RPH3A: variants seen among roughly 807,000 people sequenced by gnomAD.
RPH3A encodes rabphilin-3A.
In RPH3A, 48 loss-of-function variants were observed where a neutral mutation model predicts 102.2. The observed-to-expected ratio is 0.47, with a 90% CI of 0.37 to 0.60. The LOEUF is 0.60. Ranked by LOEUF, RPH3A falls within the 20% of genes least tolerant of loss-of-function variation. RPH3A has a pLI of 0.00. For synonymous variants in RPH3A, 310 were observed against 324.3 expected, an observed-to-expected ratio of 0.96 and a Z score of 0.47; for missense variants, 781 against 910.1, an observed-to-expected ratio of 0.86 and a Z score of 1.83.
chr12:112,726,939 C>A (rs1003689268), intron 1 of RPH3A, among the ~76,000 whole-genome samples: 18 of 152,126 alleles, frequency 1.2e-4, no homozygotes, highest in Admixed American at 1.0e-3. Context: ...AGGAGAATCA[C>A]TTGCACCCGG....
intron 2 of RPH3A, among the ~76,000 whole-genome samples, chr12:112,808,773 T>G (rs1361950899): frequency 6.6e-6 from 1 of 152,186 alleles, no homozygotes; most frequent in African/African-American, 2.4e-5. Flanking sequence ...CCAGACCTCC[T>G]GGATCAGAAG....
At chr12:112,817,107 G>C (rs1290855779) in intron 2 of RPH3A, among the ~76,000 whole-genome samples, 1 of 152,144 alleles carries the variant, frequency 6.6e-6, no homozygotes, top group Non-Finnish European at 1.5e-5. Context: ...TCACCTTGCT[G>C]AGCTGTCTGC....
intron 1 of RPH3A, among the ~76,000 whole-genome samples, chr12:112,745,949 G>A (rs2040742486): frequency 6.6e-6 from 1 of 152,032 alleles, no homozygotes; most frequent in African/African-American, 2.4e-5. Flanking sequence ...CTCTTTAAGA[G>A]GCAGGAGTGT....
intron 10 of RPH3A, chr12:112,873,727 A>G (rs1234003976): frequency 1.3e-5 from 2 of 152,240 alleles, no homozygotes; most frequent in African/African-American, 4.8e-5. Flanking sequence ...TGGGGAGCAC[A>G]ATACCATGCA....
chr12:112,597,454 G>A (rs564421717), intron 1 of RPH3A, among the ~76,000 whole-genome samples: 1 of 152,192 alleles, frequency 6.6e-6, no homozygotes, highest in South Asian at 2.1e-4. Flanking sequence ...GCATAGTGGT[G>A]TGTGCCTGTA....
At chr12:112,838,342 C>T (rs751365477) in intron 4 of RPH3A, among the ~76,000 whole-genome samples, 1 of 152,348 alleles carries the variant, frequency 6.6e-6, no homozygotes, top group East Asian at 1.9e-4. Context: ...CCCCCAGGTC[C>T]CGTTGGCATT....
chr12:112,789,840 C>T (rs987680003), upstream of RPH3A, among the ~76,000 whole-genome samples: 5 of 139,514 alleles, frequency 3.6e-5, no homozygotes. Flanking sequence ...TCATTTGAGG[C>T]GAGGAGTTCA....
At chr12:112,815,658 C>T (rs1359420279) in intron 2 of RPH3A, among the ~76,000 whole-genome samples, 1 of 152,206 alleles carries the variant, frequency 6.6e-6, no homozygotes, top group Non-Finnish European at 1.5e-5. Context: ...AAGTCAACTC[C>T]AGCTGAGTTT....
chr12:112,837,694 G>A (rs2136171292), intron 4 of RPH3A: 1 of 454,422 alleles, frequency 2.2e-6, no homozygotes, highest in Admixed American at 2.4e-5. Flanking sequence ...CAGACATGCT[G>A]GAGAGAGATG....
intron 1 of RPH3A, among the ~76,000 whole-genome samples, chr12:112,640,248 C>A (rs2039878073): frequency 6.9e-6 from 1 of 145,932 alleles, no homozygotes; most frequent in African/African-American, 2.5e-5. Context: ...TTGCTTGAAC[C>A]CAGGAGGTGG....
intron 1 of RPH3A, among the ~76,000 whole-genome samples, chr12:112,619,648 G>T (rs11837081): frequency 6.6e-6 from 1 of 151,992 alleles, no homozygotes; most frequent in African/African-American, 2.4e-5. Context: ...ACCATTTGAT[G>T]TTTCCACCAG....
intron 19 of RPH3A, among the ~76,000 whole-genome samples, chr12:112,891,791 G>C (rs2043099831): frequency 6.6e-6 from 1 of 152,318 alleles, no homozygotes; most frequent in East Asian, 1.9e-4. Flanking sequence ...CATGGCCTTG[G>C]CACAAATATG....
intron 1 of RPH3A, among the ~76,000 whole-genome samples, chr12:112,631,896 G>A (rs1201547516): frequency 2.6e-5 from 4 of 152,102 alleles, no homozygotes; most frequent in Non-Finnish European, 5.9e-5. Context: ...GTGAAGTCTT[G>A]GCTTTTTAGT....
At chr12:112,802,488 A>G (rs2041372558) in intron 2 of RPH3A, among the ~76,000 whole-genome samples, 1 of 152,028 alleles carries the variant, frequency 6.6e-6, no homozygotes, top group Non-Finnish European at 1.5e-5. Context: ...GGTTAGGTAA[A>G]TAGATGTTTT....
intron 1 of RPH3A, among the ~76,000 whole-genome samples, chr12:112,608,119 CTTT>C (rs529911758): frequency 7.0e-6 from 1 of 142,788 alleles, no homozygotes. Flanking sequence ...CTTTCTTTTT[CTTT>C]TTTTTTTTTT....
chr12:112,651,403 AC>A (rs1159278142), intron 1 of RPH3A, among the ~76,000 whole-genome samples: 1 of 151,622 alleles, frequency 6.6e-6, no homozygotes, highest in South Asian at 2.1e-4. Flanking sequence ...AAACAAACAA[AC>A]AAAATCCCAA....
chr12:112,601,674 G>A (rs2039560594), intron 1 of RPH3A, among the ~76,000 whole-genome samples: 1 of 152,204 alleles, frequency 6.6e-6, no homozygotes, highest in African/African-American at 2.4e-5. Flanking sequence ...GCTCATGCCT[G>A]TAATCCCAGC....
chr12:112,758,184 G>A (rs1038693117), intron 1 of RPH3A, among the ~76,000 whole-genome samples: 15 of 152,302 alleles, frequency 9.8e-5, no homozygotes, highest in East Asian at 1.9e-4. Context: ...ATGAGAGCTC[G>A]TGGATATTCC....
chr12:112,768,905 C>T (rs1412291652), intron 1 of RPH3A, among the ~76,000 whole-genome samples: 1 of 152,084 alleles, frequency 6.6e-6, no homozygotes, highest in Non-Finnish European at 1.5e-5. Context: ...AAGCAAGACC[C>T]CGTCTCAAAA....
Sources: gnomAD v4.1 joint callset for allele counts (sites outside exome capture counted in the v4.1 genomes callset) on GRCh38, gnomAD v4.1.1 for gene constraint, MANE v1.5 for transcripts, NCBI Gene and HGNC (gene_info 2026-07-23, HGNC 2026-07-21) for gene names.